The following TNNI3K variants were observed in gnomAD, a reference collection of about 807,000 sequenced individuals.
The protein encoded by TNNI3K is serine/threonine-protein kinase TNNI3K.
A neutral mutation model predicts 114.5 loss-of-function variants in TNNI3K; 140 were observed. That is an observed-to-expected ratio of 1.22 (90% confidence interval 1.07 to 1.41). The LOEUF (loss-of-function observed/expected upper bound fraction) is 1.41, where lower values mean the gene tolerates loss of function less well. Among genes scored for constraint, TNNI3K ranks in the 40% most tolerant of loss-of-function variants. The pLI is 0.00. For missense variants in TNNI3K, 1,125 were observed against 1,007.6 expected, an observed-to-expected ratio of 1.12 and a Z score of -1.58; for synonymous variants, 347 against 347.5, an observed-to-expected ratio of 1.00 and a Z score of 0.02.
At chr1:74,240,474 A>G (rs1654121478) in intron 2 of TNNI3K, 1 of 152,220 alleles carries the variant, frequency 6.6e-6, no homozygotes, top group African/African-American at 2.4e-5. Flanking sequence ...ACTAGATTAA[A>G]CAATTTGTAT....
chr1:74,322,441 G>A (rs699835), intron 5 of TNNI3K, among the ~76,000 whole-genome samples: 9,444 of 147,904 alleles, frequency 0.064, 390 homozygotes, highest in South Asian at 0.12. Context: ...CCCATATGTT[G>A]TCATTCTGAC....
At chr1:74,480,733 G>T (rs1438293863) in intron 21 of TNNI3K, 2 of 717,474 alleles carry the variant, frequency 2.8e-6, no homozygotes, top group South Asian at 3.0e-5. Context: ...GTACCTGCAG[G>T]CTGTGAAGCT....
In TNNI3K at chr1:74,271,665, G is replaced by T; in HGVS notation, c.401G>T (p.Gly134Val). 2 of 1,609,244 alleles carry T rather than the reference G, an allele frequency of 1.2e-6. No homozygotes were observed. The highest frequency in any genetic ancestry group is 1.7e-6 in the Non-Finnish European group (2 of 1,177,178). Reference protein sequence around the residue: ...GADIQQVGYGGLTALHIATIA... With the variant: ...GADIQQVGYGVLTALHIATIA... Reference sequence around the variant, plus strand: ...GATATACAGCAGGTTGGATACGGTGGCCTCACTGCCCTCCATATTGCTACA... The same window carrying T: ...GATATACAGCAGGTTGGATACGGTGTCCTCACTGCCCTCCATATTGCTACA... Residue 134 changes from glycine to valine, a missense_variant, in exon 5 of 25, where the codon GGC (glycine) becomes GTC (valine). Coordinates refer to ENST00000326637, the MANE Select transcript of TNNI3K (RefSeq NM_015978.3).
chr1:74,367,948 T>A lies in TNNI3K; in HGVS notation c.1305T>A (p.Ile435=). Reference sequence around the variant, plus strand: ...CTGTTCCATCACCCTTGGGGAAGATTAAAAGCATGACAAAAGGTACCTATA... The same window carrying A: ...CTGTTCCATCACCCTTGGGGAAGATAAAAAGCATGACAAAAGGTACCTATA... The part of the protein sequence containing the change: ...YVSVPSPLGK[I]KSMTKEKADI... The change falls in exon 13 of 25, where the codon ATT becomes ATA. Residue 435 remains isoleucine, a synonymous_variant. Transcript: ENST00000326637. 6.4e-7 allele frequency: 1 copy of A among 1,569,434 alleles called. No homozygotes were observed. The highest frequency in any genetic ancestry group is 8.6e-7 in the Non-Finnish European group (1 of 1,162,666).
intron 24 of TNNI3K, among the ~76,000 whole-genome samples, chr1:74,542,782 A>C (rs1171226584): frequency 1.3e-5 from 2 of 152,230 alleles, no homozygotes; most frequent in Non-Finnish European, 2.9e-5. Flanking sequence ...GCTCACTTTC[A>C]TGAAGCAATG....
chr1:74,457,181 T>C (rs369845181), intron 20 of TNNI3K, among the ~76,000 whole-genome samples: 8 of 152,150 alleles, frequency 5.3e-5, no homozygotes, highest in African/African-American at 1.7e-4. Context: ...CTAAAAGGAG[T>C]AGAGCCAACC....
intron 11 of TNNI3K, 139 bp downstream of exon 11, chr1:74,354,268 C>A (rs1249264560): frequency 6.4e-6 from 9 of 1,410,524 alleles, no homozygotes; most frequent in Non-Finnish European, 8.6e-6. Flanking sequence ...GTTTCTGGGG[C>A]CTTGGATCAA....
chr1:74,379,350 CA>C (rs1220960744), intron 17 of TNNI3K, among the ~76,000 whole-genome samples: 1 of 151,032 alleles, frequency 6.6e-6, no homozygotes, highest in East Asian at 2.0e-4. Flanking sequence ...CACACACACA[CA>C]CACTTTTTTT....
At chr1:74,443,060 G>A (rs1478457228) in intron 20 of TNNI3K, among the ~76,000 whole-genome samples, 1 of 151,924 alleles carries the variant, frequency 6.6e-6, no homozygotes, top group Admixed American at 6.6e-5. Flanking sequence ...CAAAAAGCTA[G>A]AAAGATCTCA....
At chr1:74,313,714 T>C (rs1030251822) in intron 5 of TNNI3K, among the ~76,000 whole-genome samples, 7 of 152,164 alleles carry the variant, frequency 4.6e-5, no homozygotes, top group African/African-American at 1.7e-4. Context: ...TTGGATCCTC[T>C]GCTGTCTCAG....
At chr1:74,395,348 G>T (rs1664022384) in intron 17 of TNNI3K, among the ~76,000 whole-genome samples, 1 of 148,798 alleles carries the variant, frequency 6.7e-6, no homozygotes. Context: ...AACTCTGCCT[G>T]CATGGAGTGG....
intron 22 of TNNI3K, among the ~76,000 whole-genome samples, chr1:74,490,686 A>G (rs1373117726): frequency 6.6e-6 from 1 of 152,176 alleles, no homozygotes; most frequent in Non-Finnish European, 1.5e-5. Context: ...TATCCTCTCT[A>G]TTCTTCAACT....
At chr1:74,465,491 C>A (rs1482270472) in intron 21 of TNNI3K, among the ~76,000 whole-genome samples, 1 of 152,212 alleles carries the variant, frequency 6.6e-6, no homozygotes, top group Non-Finnish European at 1.5e-5. Context: ...TCAGCTGCCT[C>A]CCCACACGGC....
chr1:74,518,792 T>C (rs1486945623), intron 23 of TNNI3K, among the ~76,000 whole-genome samples: 1 of 152,034 alleles, frequency 6.6e-6, no homozygotes, highest in East Asian at 1.9e-4. Flanking sequence ...TTTACAAATA[T>C]GGATTATTTA....
At chr1:74,523,449 T>A (rs566157597) in intron 23 of TNNI3K, among the ~76,000 whole-genome samples, 10 of 152,164 alleles carry the variant, frequency 6.6e-5, no homozygotes, top group South Asian at 4.1e-4. Context: ...TTCTTTTTTT[T>A]AATTTTCTTT....
At chr1:74,532,160 A>G (rs148883110) in intron 23 of TNNI3K, among the ~76,000 whole-genome samples, 17 of 152,312 alleles carry the variant, frequency 1.1e-4, no homozygotes, top group African/African-American at 3.8e-4. Context: ...TGAGAGGAAT[A>G]ATAAATTTCT....
intron 5 of TNNI3K, among the ~76,000 whole-genome samples, chr1:74,300,922 A>G (rs1658287274): frequency 6.6e-6 from 1 of 152,178 alleles, no homozygotes; most frequent in Admixed American, 6.5e-5. Context: ...TTTTGGGGGA[A>G]ATGTAACTAA....
intron 17 of TNNI3K, among the ~76,000 whole-genome samples, chr1:74,415,568 T>C (rs964751644): frequency 2.0e-5 from 3 of 152,154 alleles, no homozygotes; most frequent in Non-Finnish European, 4.4e-5. Flanking sequence ...AAAATCTTTG[T>C]CTTTTAATAT....
chr1:74,388,704 G>A (rs567561413), intron 17 of TNNI3K, among the ~76,000 whole-genome samples: 1 of 151,812 alleles, frequency 6.6e-6, no homozygotes, highest in Non-Finnish European at 1.5e-5. Context: ...CAAGGAAAAC[G>A]GTTCTCATAT....
Sources: allele counts gnomAD v4.1 joint callset (sites outside exome capture counted in the v4.1 genomes callset), GRCh38; gene constraint gnomAD v4.1.1; transcripts MANE v1.5; gene names NCBI Gene and HGNC (gene_info 2026-07-23, HGNC 2026-07-21).